PTPRD: variants seen among roughly 807,000 people sequenced by gnomAD.
PTPRD encodes receptor-type tyrosine-protein phosphatase delta.
A neutral mutation model predicts 214.5 loss-of-function variants in PTPRD; 34 were observed. That is an observed-to-expected ratio of 0.16 (90% CI 0.12 to 0.21). The LOEUF (loss-of-function observed/expected upper bound fraction) is 0.21, where lower values mean the gene tolerates loss of function less well. Among genes scored for constraint, PTPRD ranks in the 10% least tolerant of loss-of-function variants. The probability of loss-of-function intolerance (pLI) is 1.00; values close to 1 mark genes in which losing one functional copy is unlikely to be tolerated. For synonymous variants in PTPRD, 1,128 were observed against 845.7 expected, an observed-to-expected ratio of 1.33 and a Z score of -5.79; for missense variants, 2,545 against 2,398.7, an observed-to-expected ratio of 1.06 and a Z score of -1.27.
At chr9:9,115,874 G>A (rs1418264316) in intron 10 of PTPRD, among the ~76,000 whole-genome samples, 1 of 152,126 alleles carries the variant, frequency 6.6e-6, no homozygotes, top group Non-Finnish European at 1.5e-5. Context: ...TACCCATCAT[G>A]GAATACTACA....
intron 11 of PTPRD, among the ~76,000 whole-genome samples, chr9:8,818,001 T>C (rs569942498): frequency 1.3e-5 from 2 of 152,314 alleles, no homozygotes; most frequent in East Asian, 3.9e-4. Flanking sequence ...AGCTTCCAAA[T>C]TGCCTGTTAT....
intron 5 of PTPRD, among the ~76,000 whole-genome samples, chr9:9,807,506 G>C (rs1369544332): frequency 6.6e-6 from 1 of 152,112 alleles, no homozygotes; most frequent in Non-Finnish European, 1.5e-5. Context: ...GATTCCCTCT[G>C]CTCTGACTTC....
chr9:10,433,499 G>A lies in PTPRD; in HGVS notation c.-599-92482C>T, dbSNP rs186087775. ...CCTCTGCTCTTTGCATTTCAGTTAC[G>A]TATATTACAGCATTATTATTCTGAT... On this transcript the variant is annotated intron_variant, in intron 2 of 45. Coordinates refer to ENST00000381196, the MANE Select transcript of PTPRD (RefSeq NM_002839.4). 3.7e-3 allele frequency among the ~76,000 whole-genome samples: 558 copies of A among 151,916 alleles called. 2 individuals carry two copies. The highest frequency in any genetic ancestry group is 0.011 in the African/African-American group (467 of 41,464).
At chr9:9,653,815 A>G (rs2096440404) in intron 7 of PTPRD, among the ~76,000 whole-genome samples, 1 of 152,364 alleles carries the variant, frequency 6.6e-6, no homozygotes, top group East Asian at 1.9e-4. Context: ...AACTAAGGAC[A>G]CATGGTATCT....
At chr9:9,798,817 T>C (rs2099020494) in intron 5 of PTPRD, among the ~76,000 whole-genome samples, 1 of 152,168 alleles carries the variant, frequency 6.6e-6, no homozygotes, top group African/African-American at 2.4e-5. Flanking sequence ...GTAGAGGTCT[T>C]AGATATGGAG....
In PTPRD at chr9:9,259,362, G is replaced by A. The variant is rs72696872; in HGVS notation, c.-202-75999C>T. 3.0e-3 allele frequency among the ~76,000 whole-genome samples: 452 copies of A among 151,950 alleles called. 1 individual carries two copies. Among genetic ancestry groups the A allele is most frequent in the Non-Finnish European group, 4.9e-3 (333 of 67,892 alleles). Reference sequence around the variant, plus strand: ...CAGACAGACTATAAAACTATGGCTGGAAGGTAATTTAGTAATGTGCTTACA... The same window carrying A: ...CAGACAGACTATAAAACTATGGCTGAAAGGTAATTTAGTAATGTGCTTACA... On this transcript the variant is annotated intron_variant, in intron 9 of 45. Coordinates refer to ENST00000381196, the MANE Select transcript of PTPRD (RefSeq NM_002839.4).
intron 9 of PTPRD, among the ~76,000 whole-genome samples, chr9:9,390,046 G>T (rs770082350): frequency 1.8e-4 from 27 of 152,314 alleles, no homozygotes; most frequent in Non-Finnish European, 4.0e-4. Flanking sequence ...TGACATTTCA[G>T]CAGAGACTTC....
At chr9:9,988,730 T>C (rs564954726) in intron 4 of PTPRD, among the ~76,000 whole-genome samples, 15 of 152,226 alleles carry the variant, frequency 9.9e-5, no homozygotes, top group Admixed American at 4.6e-4. Flanking sequence ...GAGCTCAGTA[T>C]ATAAAAACTC....
chr9:8,452,075 G>T (rs2095980024), intron 33 of PTPRD, among the ~76,000 whole-genome samples: 1 of 152,094 alleles, frequency 6.6e-6, no homozygotes, highest in Non-Finnish European at 1.5e-5. Flanking sequence ...TCAAGACATG[G>T]GACTAAAATT....
intron 9 of PTPRD, among the ~76,000 whole-genome samples, chr9:9,281,625 C>T (rs1288042127): frequency 6.6e-6 from 1 of 151,196 alleles, no homozygotes; most frequent in Non-Finnish European, 1.5e-5. Context: ...TGTGGAACAG[C>T]AGGAATTCTC....
intron 2 of PTPRD, among the ~76,000 whole-genome samples, chr9:10,390,733 C>G (rs915522427): frequency 6.6e-6 from 1 of 151,712 alleles, no homozygotes; most frequent in South Asian, 2.1e-4. Context: ...AGGAATATAA[C>G]AATTTCTTGG....
At chr9:9,856,631 A>C (rs954576764) in intron 5 of PTPRD, among the ~76,000 whole-genome samples, 12 of 141,122 alleles carry the variant, frequency 8.5e-5, no homozygotes, top group African/African-American at 2.7e-4. Context: ...AAAAGAAGAA[A>C]ATTTACCAAA....
chr9:10,014,920 C>T (rs779180738), intron 4 of PTPRD, among the ~76,000 whole-genome samples: 2 of 152,082 alleles, frequency 1.3e-5, no homozygotes, highest in Non-Finnish European at 2.9e-5. Context: ...TCAGTTAGCA[C>T]TTCCCCTCAT....
chr9:9,394,968 T>C (rs1031693502), intron 9 of PTPRD, among the ~76,000 whole-genome samples: 7 of 152,110 alleles, frequency 4.6e-5, no homozygotes, highest in African/African-American at 1.7e-4. Context: ...TAATGCATGT[T>C]CAGGTACCAT....
At chr9:9,509,037 G>C (rs1232496451) in intron 8 of PTPRD, among the ~76,000 whole-genome samples, 1 of 149,746 alleles carries the variant, frequency 6.7e-6, no homozygotes, top group Non-Finnish European at 1.5e-5. Context: ...ACCTTTCCAA[G>C]AAAAAAAAAT....
chr9:9,518,145 G>A (rs2096881086), intron 8 of PTPRD, among the ~76,000 whole-genome samples: 1 of 151,802 alleles, frequency 6.6e-6, no homozygotes, highest in Non-Finnish European at 1.5e-5. Flanking sequence ...ACTTAATTTG[G>A]GATTTTTAAC....
chr9:10,552,914 C>G (rs971447813), intron 2 of PTPRD, among the ~76,000 whole-genome samples: 1 of 152,174 alleles, frequency 6.6e-6, no homozygotes, highest in Non-Finnish European at 1.5e-5. Flanking sequence ...TAGATACAAT[C>G]CAGTTTCTGG....
chr9:9,848,015 A>G (rs2059866448), intron 5 of PTPRD, among the ~76,000 whole-genome samples: 1 of 152,162 alleles, frequency 6.6e-6, no homozygotes, highest in Non-Finnish European at 1.5e-5. Context: ...CACAAGCAGC[A>G]TTGAAGACTT....
intron 2 of PTPRD, among the ~76,000 whole-genome samples, chr9:10,471,973 T>A (rs1392243287): frequency 6.6e-6 from 1 of 152,142 alleles, no homozygotes; most frequent in Non-Finnish European, 1.5e-5. Flanking sequence ...ATTATTTCAA[T>A]TTATGCCTCA....
Sources: gnomAD v4.1 joint callset for allele counts (sites outside exome capture counted in the v4.1 genomes callset) on GRCh38, gnomAD v4.1.1 for gene constraint, MANE v1.5 for transcripts, NCBI Gene and HGNC (gene_info 2026-07-23, HGNC 2026-07-21) for gene names.